NME7: variants seen among roughly 807,000 people sequenced by gnomAD.
The protein encoded by NME7 is NME/NM23 family member 7.
NME7 carries 41 observed loss-of-function variants against 49.1 expected under a neutral mutation model. The ratio of observed to expected loss-of-function variants is 0.83; its 90% CI spans 0.65 to 1.08. The LOEUF (loss-of-function observed/expected upper bound fraction) is 1.08. Among genes scored for constraint, NME7 ranks in the 50% least tolerant of loss-of-function variants. NME7 has a pLI of 0.00. For missense variants in NME7, 423 were observed against 463.4 expected (o/e 0.91, Z 0.80); for synonymous variants, 139 against 150.6 (o/e 0.92, Z 0.56).
intron 4 of NME7, among the ~76,000 whole-genome samples, chr1:169,307,745 C>T (rs888807266): frequency 6.6e-6 from 1 of 152,060 alleles, no homozygotes; most frequent in Non-Finnish European, 1.5e-5. Context: ...TTAAGCCAGG[C>T]GCGGTGGCTC....
intron 7 of NME7, among the ~76,000 whole-genome samples, chr1:169,247,912 C>T (rs948635401): frequency 1.6e-4 from 24 of 152,084 alleles, no homozygotes; most frequent in African/African-American, 5.3e-4. Context: ...TGGTTCCATA[C>T]GTTTGCAACT....
chr1:169,281,626 C>T (rs1277834910), intron 7 of NME7, among the ~76,000 whole-genome samples: 1 of 152,154 alleles, frequency 6.6e-6, no homozygotes, highest in Non-Finnish European at 1.5e-5. Flanking sequence ...AGATATGTTC[C>T]ATCAATACCT....
At chr1:169,177,198 C>T (rs892056728) in intron 10 of NME7, among the ~76,000 whole-genome samples, 2 of 152,100 alleles carry the variant, frequency 1.3e-5, no homozygotes, top group Non-Finnish European at 2.9e-5. Context: ...AATGAAATAG[C>T]TGGGACCCAC....
chr1:169,146,157 G>A (rs183284395), intron 11 of NME7, among the ~76,000 whole-genome samples: 1 of 152,108 alleles, frequency 6.6e-6, no homozygotes, highest in East Asian at 1.9e-4. Context: ...CCATTGTTTG[G>A]CTCCCACTTA....
At chr1:169,203,851 C>T (rs1021558198) in intron 10 of NME7, among the ~76,000 whole-genome samples, 4 of 151,838 alleles carry the variant, frequency 2.6e-5, no homozygotes, top group South Asian at 2.1e-4. Flanking sequence ...GCTGGGAACT[C>T]GTTTATTTTC....
At chr1:169,212,469 AT>A (rs1441156331) in intron 10 of NME7, among the ~76,000 whole-genome samples, 1 of 148,582 alleles carries the variant, frequency 6.7e-6, no homozygotes. Context: ...ATTGGTAGAC[AT>A]GTGCAGAGCA....
At chr1:169,258,314 C>G (rs1277884852) in intron 7 of NME7, among the ~76,000 whole-genome samples, 2 of 121,512 alleles carry the variant, frequency 1.6e-5, no homozygotes, top group Non-Finnish European at 3.8e-5. Context: ...GGTCACTGCA[C>G]TCAGCCTGGA....
chr1:169,169,592 C>T (rs762278334), intron 10 of NME7, 38 bp from the exon 11 acceptor site: 26 of 1,555,290 alleles, frequency 1.7e-5, no homozygotes, highest in Non-Finnish European at 2.2e-5. Flanking sequence ...TAATGTTAGT[C>T]ATATGGTATA....
Position 169,249,334 on chromosome 1 carries a change from G to T in NME7, c.755-11647C>A, listed in dbSNP as rs75958880. On this transcript the variant is annotated intron_variant, in intron 7 of 11. Transcript: ENST00000367811. ...CTACTGATTTGTGTATATTGATTTTGTGACCTGAGACTACGGAATTCATTT... is the reference window on the plus strand; with the variant it reads ...CTACTGATTTGTGTATATTGATTTTTTGACCTGAGACTACGGAATTCATTT... 6.9e-3 allele frequency among the ~76,000 whole-genome samples: 1,047 copies of T among 152,166 alleles called. 14 individuals carry two copies. The highest frequency in any genetic ancestry group is 0.024 in the African/African-American group (984 of 41,538).
chr1:169,367,512 A>G (rs183328394), intron 1 of NME7, among the ~76,000 whole-genome samples, 196 bp downstream of exon 1: 1 of 152,308 alleles, frequency 6.6e-6, no homozygotes, highest in Non-Finnish European at 1.5e-5. Context: ...ACTTAGTAAC[A>G]TTAGTGGAAT....
At chr1:169,258,268 G>C (rs905625055) in intron 7 of NME7, among the ~76,000 whole-genome samples, 2 of 125,550 alleles carry the variant, frequency 1.6e-5, no homozygotes, top group East Asian at 4.0e-4. Flanking sequence ...CTTGACTGCA[G>C]GAGGTTGTGG....
intron 7 of NME7, among the ~76,000 whole-genome samples, chr1:169,244,050 A>AT (rs1648204570): frequency 1.3e-5 from 2 of 148,864 alleles, no homozygotes; most frequent in East Asian, 4.1e-4. Context: ...TATATGCAAA[A>AT]ATATACATAT....
At chr1:169,257,517 C>G (rs1439448493) in intron 7 of NME7, among the ~76,000 whole-genome samples, 3 of 110,980 alleles carry the variant, frequency 2.7e-5, no homozygotes, top group Admixed American at 1.8e-4. Flanking sequence ...GCAGAAATCA[C>G]CCGTCTTCTG....
At chr1:169,339,064 C>G (rs929282815) in intron 1 of NME7, among the ~76,000 whole-genome samples, 8 of 151,990 alleles carry the variant, frequency 5.3e-5, no homozygotes, top group African/African-American at 1.9e-4. Flanking sequence ...CCATAAAATA[C>G]TCAAATAAAT....
chr1:169,281,581 C>T (rs1415476339), intron 7 of NME7, among the ~76,000 whole-genome samples: 1 of 152,124 alleles, frequency 6.6e-6, no homozygotes, highest in East Asian at 1.9e-4. Context: ...ATGATATTGG[C>T]TGTGGGTTTG....
At chr1:169,147,285 T>C (rs1162936973) in intron 11 of NME7, among the ~76,000 whole-genome samples, 1 of 152,224 alleles carries the variant, frequency 6.6e-6, no homozygotes, top group Non-Finnish European at 1.5e-5. Flanking sequence ...TTTCCTATTA[T>C]ATCTTCCCTC....
chr1:169,257,701 T>A (rs10919116), intron 7 of NME7, among the ~76,000 whole-genome samples: 17,015 of 133,780 alleles, frequency 0.13, 4,593 homozygotes, highest in Admixed American at 0.25. Flanking sequence ...AAACTCCTTT[T>A]AGCATTTTCA....
chr1:169,347,857 G>A (rs1245674425), intron 1 of NME7, among the ~76,000 whole-genome samples: 3 of 152,174 alleles, frequency 2.0e-5, no homozygotes, highest in Non-Finnish European at 2.9e-5. Context: ...AGCCCTGGTT[G>A]CAGAGATAGA....
intron 10 of NME7, among the ~76,000 whole-genome samples, chr1:169,205,786 CT>C (rs1237774366): frequency 1.3e-5 from 2 of 152,166 alleles, no homozygotes; most frequent in African/African-American, 4.8e-5. Context: ...CAATGGTCCC[CT>C]TCTTACTCAG....
Sources: allele counts gnomAD v4.1 joint callset (sites outside exome capture counted in the v4.1 genomes callset), GRCh38; gene constraint gnomAD v4.1.1; transcripts MANE v1.5; gene names NCBI Gene and HGNC (gene_info 2026-07-23, HGNC 2026-07-21).